XKR9: variants seen among roughly 807,000 people sequenced by gnomAD.
XKR9 encodes XK related 9, also known as XK-related protein 9.
In XKR9, 32 loss-of-function variants were observed where a neutral mutation model predicts 32.0. The ratio of observed to expected loss-of-function variants is 1.00; its 90% CI spans 0.76 to 1.34. The LOEUF (loss-of-function observed/expected upper bound fraction) is 1.34. XKR9 is among the 40% of genes most tolerant of loss of function. XKR9 has a pLI of 0.00. For synonymous variants in XKR9, 168 were observed against 143.4 expected (o/e 1.17, Z -1.22); for missense variants, 546 against 429.7 (o/e 1.27, Z -2.39).
the XKR9 span, among the ~76,000 whole-genome samples, chr8:70,861,466 C>T: frequency 1.3e-5 from 2 of 149,744 alleles, no homozygotes; most frequent in East Asian, 1.9e-4. Flanking sequence ...GCCTAGGCAG[C>T]AAAGCTAGAT....
the XKR9 span, among the ~76,000 whole-genome samples, chr8:70,984,227 T>C: frequency 6.6e-6 from 1 of 152,190 alleles, no homozygotes; most frequent in African/African-American, 2.4e-5. Flanking sequence ...GCTATTCTAA[T>C]TGTTCAGACC....
chr8:70,709,802 G>A (rs1307179420), intron 4 of XKR9, among the ~76,000 whole-genome samples: 1 of 152,118 alleles, frequency 6.6e-6, no homozygotes, highest in Non-Finnish European at 1.5e-5. Context: ...AATCGGTGGT[G>A]ACACAAACAA....
chr8:70,835,475 A>G, the XKR9 span, among the ~76,000 whole-genome samples: 1 of 152,062 alleles, frequency 6.6e-6, no homozygotes, highest in South Asian at 2.1e-4. Context: ...TTTAGGAAAT[A>G]TAGTCTGGGG....
the XKR9 span, among the ~76,000 whole-genome samples, chr8:70,930,776 C>T: frequency 2.0e-5 from 3 of 152,144 alleles, no homozygotes; most frequent in Admixed American, 6.6e-5. Context: ...TCTCTCTCGT[C>T]AGCACTTCAT....
intron 2 of XKR9, among the ~76,000 whole-genome samples, chr8:70,788,264 T>C (rs915204248): frequency 7.9e-5 from 12 of 152,064 alleles, no homozygotes; most frequent in East Asian, 3.8e-4. Context: ...ATGTCTGATG[T>C]TATTAAGTGT....
the XKR9 span, among the ~76,000 whole-genome samples, chr8:70,802,234 C>T: frequency 1.4e-4 from 21 of 152,266 alleles, no homozygotes; most frequent in South Asian, 2.9e-3. Flanking sequence ...CCGCGCCCGG[C>T]CCTTCTTTTC....
chr8:70,930,329 T>C, the XKR9 span, among the ~76,000 whole-genome samples: 96,924 of 151,828 alleles, frequency 0.64, 31,317 homozygotes, highest in Admixed American at 0.73. Flanking sequence ...AGGAGAACCT[T>C]GTGAGAAGGG....
the XKR9 span, among the ~76,000 whole-genome samples, chr8:70,804,843 T>C: frequency 6.6e-6 from 1 of 152,200 alleles, no homozygotes; most frequent in African/African-American, 2.4e-5. Context: ...TTTCACAGAC[T>C]TTTGGATTGG....
chr8:70,790,133 T>G (rs1242766033), exon 4 of XKR9: 1 of 151,708 alleles, frequency 6.6e-6, no homozygotes, highest in Non-Finnish European at 1.5e-5. Context: ...AATTGATTAC[T>G]TCGGCTGTTT....
chr8:71,004,778 G>C, the XKR9 span, among the ~76,000 whole-genome samples: 8 of 152,106 alleles, frequency 5.3e-5, no homozygotes, highest in African/African-American at 1.9e-4. Context: ...ATACTTACTG[G>C]GTGGGGAAAA....
intron 1 of XKR9, among the ~76,000 whole-genome samples, chr8:70,673,057 T>C (rs1818769473): frequency 6.6e-6 from 1 of 152,236 alleles, no homozygotes; most frequent in Admixed American, 6.5e-5. Flanking sequence ...CAGAAACTTT[T>C]TCATTTAATA....
chr8:70,867,261 C>T, the XKR9 span, among the ~76,000 whole-genome samples: 1 of 152,118 alleles, frequency 6.6e-6, no homozygotes, highest in Non-Finnish European at 1.5e-5. Context: ...GAGAACAGCA[C>T]AGGAAAGACC....
intron 3 of XKR9, among the ~76,000 whole-genome samples, chr8:70,690,265 C>G (rs1430207663): frequency 6.6e-6 from 1 of 152,094 alleles, no homozygotes; most frequent in African/African-American, 2.4e-5. Context: ...TCCACCCTCC[C>G]CCTCAAGTAG....
the XKR9 span, among the ~76,000 whole-genome samples, chr8:70,808,526 T>C: frequency 6.6e-6 from 1 of 151,626 alleles, no homozygotes; most frequent in Non-Finnish European, 1.5e-5. Context: ...GCACAAGGGG[T>C]CAGGGAATTC....
At chr8:70,760,354 G>A (rs1180215211) in intron 2 of XKR9, among the ~76,000 whole-genome samples, 2 of 151,976 alleles carry the variant, frequency 1.3e-5, no homozygotes, top group African/African-American at 4.8e-5. Context: ...TTTCTTTTGG[G>A]GTTAAATAAG....
chr8:70,747,976 C>T (rs1236022448), intron 2 of XKR9, among the ~76,000 whole-genome samples: 1 of 152,072 alleles, frequency 6.6e-6, no homozygotes, highest in African/African-American at 2.4e-5. Flanking sequence ...CTGTGACTAT[C>T]CCTGAAATTT....
chr8:70,895,833 A>AAG, the XKR9 span, among the ~76,000 whole-genome samples: 1 of 150,136 alleles, frequency 6.7e-6, no homozygotes, highest in African/African-American at 2.4e-5. Flanking sequence ...AAAAAAAAAA[A>AAG]AAAAAGAAAA....
At chr8:70,699,333 T>A (rs906546369) in intron 3 of XKR9, among the ~76,000 whole-genome samples, 4 of 152,148 alleles carry the variant, frequency 2.6e-5, no homozygotes, top group African/African-American at 9.7e-5. Context: ...GTTGTTCCTT[T>A]CCATGTTTAG....
the XKR9 span, among the ~76,000 whole-genome samples, chr8:70,938,577 C>T: frequency 6.6e-6 from 1 of 151,996 alleles, no homozygotes; most frequent in Admixed American, 6.6e-5. Context: ...AAATTAAGCA[C>T]AGGGAATATG....
Sources: allele counts gnomAD v4.1 joint callset (sites outside exome capture counted in the v4.1 genomes callset), GRCh38; gene constraint gnomAD v4.1.1; transcripts MANE v1.5; gene names NCBI Gene and HGNC (gene_info 2026-07-23, HGNC 2026-07-21).